The following TAFA2 variants were observed in gnomAD, a reference collection of about 807,000 sequenced individuals.
TAFA2 encodes the protein chemokine-like protein TAFA-2.
Under a neutral mutation model 18.8 loss-of-function variants are expected in TAFA2, and 7 were observed. That is an observed-to-expected ratio of 0.37 (90% CI 0.21 to 0.70). TAFA2 has a LOEUF of 0.70. TAFA2 is among the 30% of genes least tolerant of loss of function. The probability of loss-of-function intolerance (pLI) is 0.53; values close to 1 mark genes in which losing one functional copy is unlikely to be tolerated. For synonymous variants in TAFA2, 60 were observed against 54.2 expected (o/e 1.11, Z -0.47); for missense variants, 122 against 158.1 (o/e 0.77, Z 1.23).
intron 1 of TAFA2, among the ~76,000 whole-genome samples, chr12:61,907,132 A>G (rs145195274): frequency 8.7e-4 from 132 of 152,378 alleles, no homozygotes; most frequent in Non-Finnish European, 1.5e-3. Flanking sequence ...AGCTGGCTGA[A>G]CAGATTTGCA....
chr12:61,836,925 G>C (rs1872957639), intron 2 of TAFA2, among the ~76,000 whole-genome samples: 1 of 150,840 alleles, frequency 6.6e-6, no homozygotes. Context: ...AACATATGAA[G>C]GCTATTATTT....
chr12:62,067,386 G>T (rs919363721), intron 1 of TAFA2, among the ~76,000 whole-genome samples: 1 of 151,998 alleles, frequency 6.6e-6, no homozygotes, highest in African/African-American at 2.4e-5. Flanking sequence ...AGAAATGTTT[G>T]TCCAGTCCCA....
intron 1 of TAFA2, among the ~76,000 whole-genome samples, chr12:61,891,498 A>T (rs1404331523): frequency 6.6e-6 from 1 of 152,174 alleles, no homozygotes; most frequent in Non-Finnish European, 1.5e-5. Flanking sequence ...AATACAAAAA[A>T]TTAGCTGGGT....
chr12:62,186,131 A>T (rs926417373), intron 1 of TAFA2, among the ~76,000 whole-genome samples: 3 of 152,198 alleles, frequency 2.0e-5, no homozygotes, highest in African/African-American at 7.2e-5. Context: ...TAATCCACCC[A>T]AAGAAAGTCA....
rs539905319 is a variant in TAFA2, at chr12:62,073,989, ATGTG to A, written c.-2+117266_-2+117269del. 9.3e-4 allele frequency among the ~76,000 whole-genome samples: 141 copies of A among 152,382 alleles called. 1 individual carries two copies. The highest frequency in any genetic ancestry group is 3.4e-3 in the Middle Eastern group (1 of 294). On this transcript the variant is annotated intron_variant, in intron 1 of 4. Coordinates refer to ENST00000416284, the MANE Select transcript of TAFA2 (RefSeq NM_178539.5). ...TATACAATACAAATGTTTTGAGTCTATGTGTGCTGAATTCGAGGTTGGTGAGTAC... is the reference window on the plus strand; with the variant it reads ...TATACAATACAAATGTTTTGAGTCTATGCTGAATTCGAGGTTGGTGAGTAC...
At chr12:61,734,802 A>C (rs2120671520) in intron 4 of TAFA2, among the ~76,000 whole-genome samples, 1 of 152,064 alleles carries the variant, frequency 6.6e-6, no homozygotes, top group South Asian at 2.1e-4. Flanking sequence ...TACCATCTTT[A>C]CCATTTGTAA....
chr12:61,799,324 T>C (rs1871311107), intron 2 of TAFA2, among the ~76,000 whole-genome samples: 1 of 152,174 alleles, frequency 6.6e-6, no homozygotes, highest in Non-Finnish European at 1.5e-5. Flanking sequence ...TAAGTGTTAT[T>C]AACCATTTAG....
At chr12:61,800,141 T>C (rs889342936) in intron 2 of TAFA2, among the ~76,000 whole-genome samples, 2 of 152,176 alleles carry the variant, frequency 1.3e-5, no homozygotes, top group African/African-American at 4.8e-5. Context: ...AAATTAGTGA[T>C]CAAGAGATAA....
intron 1 of TAFA2, among the ~76,000 whole-genome samples, chr12:62,185,043 AGGAG>A (rs2062576735): frequency 6.6e-6 from 1 of 152,184 alleles, no homozygotes; most frequent in Admixed American, 6.5e-5. Flanking sequence ...AAATGATGGA[AGGAG>A]CAAACATACC....
intron 1 of TAFA2, among the ~76,000 whole-genome samples, chr12:62,242,853 G>T (rs2062868785): frequency 6.6e-6 from 1 of 152,150 alleles, no homozygotes; most frequent in Non-Finnish European, 1.5e-5. Context: ...AACATAGATG[G>T]AAGTATACAT....
At chr12:61,826,873 A>G (rs1390728158) in intron 2 of TAFA2, among the ~76,000 whole-genome samples, 1 of 152,096 alleles carries the variant, frequency 6.6e-6, no homozygotes, top group Non-Finnish European at 1.5e-5. Context: ...CAGTAAAGAA[A>G]TACTGCTTTA....
intron 1 of TAFA2, among the ~76,000 whole-genome samples, chr12:62,144,143 C>T (rs536381674): frequency 6.4e-4 from 96 of 150,838 alleles, no homozygotes; most frequent in African/African-American, 2.0e-3. Context: ...ATGGAACTGG[C>T]AAACTGTGAC....
chr12:62,117,203 A>G (rs1363438197), intron 1 of TAFA2, among the ~76,000 whole-genome samples: 3 of 152,228 alleles, frequency 2.0e-5, no homozygotes, highest in Non-Finnish European at 4.4e-5. Flanking sequence ...GGGCTTCATT[A>G]CAAAATAGTA....
intron 4 of TAFA2, among the ~76,000 whole-genome samples, chr12:61,714,732 G>T (rs537870799): frequency 3.1e-4 from 47 of 152,104 alleles, no homozygotes; most frequent in Admixed American, 4.6e-4. Flanking sequence ...AAATTACAAA[G>T]TTGGAAGGAA....
intron 1 of TAFA2, among the ~76,000 whole-genome samples, chr12:62,254,608 C>T (rs529627252): frequency 1.3e-5 from 2 of 152,254 alleles, no homozygotes; most frequent in Non-Finnish European, 2.9e-5. Context: ...TAGATAGAAG[C>T]ATACTGGCTA....
At chr12:62,066,478 G>A (rs1006664399) in intron 1 of TAFA2, among the ~76,000 whole-genome samples, 2 of 151,584 alleles carry the variant, frequency 1.3e-5, no homozygotes, top group East Asian at 3.9e-4. Context: ...CCAGCTACTG[G>A]TAACCATCCT....
intron 4 of TAFA2, among the ~76,000 whole-genome samples, chr12:61,744,409 C>A (rs971656530): frequency 6.6e-6 from 1 of 151,990 alleles, no homozygotes; most frequent in African/African-American, 2.4e-5. Context: ...AAAATACAGG[C>A]CAAGTTTTGG....
intron 2 of TAFA2, among the ~76,000 whole-genome samples, chr12:61,865,934 C>G (rs1874336020): frequency 6.6e-6 from 1 of 152,088 alleles, no homozygotes; most frequent in African/African-American, 2.4e-5. Context: ...GGGCTTGGCC[C>G]TACTGGATTG....
In TAFA2 at chr12:62,104,765, G is replaced by A. The variant is rs1020055076; in HGVS notation, c.-2+86494C>T. ...TTACCTGGTAATCGGGGTGACCATC[G>A]GTGTAAGCTAACTGGCTTTCTCTAG... is the stretch of plus-strand genomic sequence containing the variant. On this transcript the variant is annotated intron_variant, in intron 1 of 4. Coordinates refer to ENST00000416284, the MANE Select transcript of TAFA2 (RefSeq NM_178539.5). The A allele has an allele frequency of 2.9e-5, 13 of 453,392 alleles. 1 individual carries two copies. Among genetic ancestry groups the A allele is most frequent in the Admixed American group, 4.7e-5 (2 of 42,114 alleles). 28.1% of individuals were successfully genotyped at this position (453,392 alleles called of 1,614,324 possible).
Sources: allele counts gnomAD v4.1 joint callset (sites outside exome capture counted in the v4.1 genomes callset), GRCh38; gene constraint gnomAD v4.1.1; transcripts MANE v1.5; gene names NCBI Gene and HGNC (gene_info 2026-07-23, HGNC 2026-07-21).